NKAIN2: variants seen among roughly 807,000 people sequenced by gnomAD.
NKAIN2 encodes sodium/potassium transporting ATPase interacting 2.
NKAIN2 carries 14 observed loss-of-function variants against 32.6 expected under a neutral mutation model. The observed-to-expected ratio is 0.43, with a 90% CI of 0.28 to 0.67. NKAIN2 has a LOEUF of 0.67. NKAIN2 is among the 30% of genes least tolerant of loss of function. NKAIN2 has a pLI of 0.17. For missense variants in NKAIN2, 198 were observed against 258.3 expected, an observed-to-expected ratio of 0.77 and a Z score of 1.60; for synonymous variants, 80 against 87.2, an observed-to-expected ratio of 0.92 and a Z score of 0.46.
chr6:124,347,135 T>C (rs1798465485), intron 2 of NKAIN2, among the ~76,000 whole-genome samples: 1 of 152,178 alleles, frequency 6.6e-6, no homozygotes, highest in African/African-American at 2.4e-5. Context: ...TTGAAAATTC[T>C]TTTCTTTAAG....
intron 4 of NKAIN2, among the ~76,000 whole-genome samples, chr6:124,763,823 A>C (rs2114741834): frequency 6.6e-6 from 1 of 152,314 alleles, no homozygotes. Context: ...TGTCAGTTAA[A>C]GTGTATATAA....
At chr6:124,259,809 C>A (rs1794142155) in intron 1 of NKAIN2, among the ~76,000 whole-genome samples, 1 of 152,128 alleles carries the variant, frequency 6.6e-6, no homozygotes, top group African/African-American at 2.4e-5. Flanking sequence ...GTGGGGTGAT[C>A]TCCCTGGACA....
At position 124,736,076 on chromosome 6, in the gene NKAIN2, A is replaced by G. The variant is rs529532275; in HGVS notation, c.475-55263A>G. ...GCCCTAAACAATTAGCCAAGTTGTCAATGCAAAGGAAAAGTTCTTGAAGGA... is the reference window on the plus strand; with the variant it reads ...GCCCTAAACAATTAGCCAAGTTGTCGATGCAAAGGAAAAGTTCTTGAAGGA... On this transcript the variant is annotated intron_variant, in intron 4 of 6. Transcript: ENST00000368417. 9.6e-4 allele frequency among the ~76,000 whole-genome samples: 146 copies of G among 152,076 alleles called. 2 individuals are homozygous for G. The highest frequency in any genetic ancestry group is 3.3e-3 in the African/African-American group (139 of 41,528).
intron 1 of NKAIN2, among the ~76,000 whole-genome samples, chr6:124,254,614 C>T (rs866877948): frequency 5.3e-5 from 8 of 152,010 alleles, no homozygotes; most frequent in South Asian, 2.1e-4. Context: ...ATAATGATTT[C>T]GAATATGAAG....
At chr6:124,179,891 T>G (rs1789350876) in intron 1 of NKAIN2, among the ~76,000 whole-genome samples, 1 of 152,206 alleles carries the variant, frequency 6.6e-6, no homozygotes, top group Non-Finnish European at 1.5e-5. Flanking sequence ...CTATGTCTAA[T>G]TTTGGCAGTA....
At chr6:124,649,658 C>CA (rs1418454590) in intron 3 of NKAIN2, among the ~76,000 whole-genome samples, 1 of 151,846 alleles carries the variant, frequency 6.6e-6, no homozygotes, top group Non-Finnish European at 1.5e-5. Flanking sequence ...AAAGGCAGCA[C>CA]AAAAAAAGAA....
intron 3 of NKAIN2, among the ~76,000 whole-genome samples, chr6:124,387,742 G>T (rs1772971745): frequency 6.6e-6 from 1 of 152,026 alleles, no homozygotes; most frequent in African/African-American, 2.4e-5. Flanking sequence ...GAACTAGTTT[G>T]TTTCTAAAAG....
chr6:124,783,545 G>A (rs1203283764), intron 4 of NKAIN2, among the ~76,000 whole-genome samples: 3 of 152,122 alleles, frequency 2.0e-5, no homozygotes, highest in African/African-American at 7.2e-5. Context: ...TCCTCCATGT[G>A]TTATTGCAGG....
intron 1 of NKAIN2, among the ~76,000 whole-genome samples, chr6:124,117,660 A>T (rs1785678398): frequency 6.6e-6 from 1 of 152,048 alleles, no homozygotes; most frequent in Non-Finnish European, 1.5e-5. Context: ...AATAATAATA[A>T]TAAAAAAAGA....
intron 1 of NKAIN2, among the ~76,000 whole-genome samples, chr6:124,259,345 G>T (rs926482688): frequency 5.9e-5 from 9 of 152,098 alleles, no homozygotes; most frequent in Non-Finnish European, 1.2e-4. Flanking sequence ...TCATTGTTTG[G>T]GTGTGGTGGT....
intron 3 of NKAIN2, among the ~76,000 whole-genome samples, chr6:124,359,905 G>A (rs1250818520): frequency 1.3e-5 from 2 of 152,070 alleles, no homozygotes; most frequent in Admixed American, 6.6e-5. Flanking sequence ...TATTGGCTGT[G>A]GTTTTGTCAT....
chr6:123,885,099 G>T (rs2114347163), intron 1 of NKAIN2, among the ~76,000 whole-genome samples: 1 of 152,210 alleles, frequency 6.6e-6, no homozygotes, highest in South Asian at 2.1e-4. Context: ...TACTTTACCT[G>T]ATTTGGGGCC....
At chr6:124,711,947 G>T (rs1289039649) in intron 4 of NKAIN2, among the ~76,000 whole-genome samples, 1 of 152,080 alleles carries the variant, frequency 6.6e-6, no homozygotes, top group African/African-American at 2.4e-5. Context: ...CATCTTTGTG[G>T]TTTTATCTAC....
chr6:123,938,550 A>G (rs184641), intron 1 of NKAIN2, among the ~76,000 whole-genome samples: 55,687 of 136,194 alleles, frequency 0.41, 12,006 homozygotes, highest in East Asian at 0.63. Flanking sequence ...TATATTATAT[A>G]TTTATATATT....
At chr6:124,807,423 G>A (rs1460379338) in intron 5 of NKAIN2, among the ~76,000 whole-genome samples, 3 of 151,460 alleles carry the variant, frequency 2.0e-5, no homozygotes, top group Non-Finnish European at 4.4e-5. Context: ...CAGAAATAAA[G>A]ATGTTCTTTG....
intron 1 of NKAIN2, among the ~76,000 whole-genome samples, chr6:124,272,555 G>A (rs149579170): frequency 2.2e-3 from 338 of 152,324 alleles, no homozygotes; most frequent in African/African-American, 7.7e-3. Flanking sequence ...CCATCATGGA[G>A]AACTTCTGTT....
chr6:123,918,324 T>C (rs746503705), intron 1 of NKAIN2, among the ~76,000 whole-genome samples: 2 of 152,238 alleles, frequency 1.3e-5, no homozygotes, highest in Non-Finnish European at 2.9e-5. Flanking sequence ...CTATATGCTT[T>C]ACATTGTTTA....
At chr6:124,096,353 T>C (rs1784644451) in intron 1 of NKAIN2, among the ~76,000 whole-genome samples, 1 of 152,180 alleles carries the variant, frequency 6.6e-6, no homozygotes, top group African/African-American at 2.4e-5. Context: ...CCAGGATACA[T>C]ACATGGACAT....
intron 3 of NKAIN2, among the ~76,000 whole-genome samples, chr6:124,449,880 T>C (rs1171784252): frequency 2.0e-5 from 3 of 152,148 alleles, no homozygotes; most frequent in Non-Finnish European, 4.4e-5. Context: ...AAATTGTTCC[T>C]ATCAGCCACA....
Sources: allele counts gnomAD v4.1 joint callset (sites outside exome capture counted in the v4.1 genomes callset), GRCh38; gene constraint gnomAD v4.1.1; transcripts MANE v1.5; gene names NCBI Gene and HGNC (gene_info 2026-07-23, HGNC 2026-07-21).